The following NCAM1 variants were observed in gnomAD, a reference collection of about 807,000 sequenced individuals.
NCAM1 encodes the protein antigen recognized by monoclonal antibody 5.1H11.
Under a neutral mutation model 109.8 loss-of-function variants are expected in NCAM1, and 14 were observed. That is an observed-to-expected ratio of 0.13 (90% CI 0.08 to 0.20). The LOEUF is 0.20. Ranked by LOEUF, NCAM1 falls within the 10% of genes least tolerant of loss-of-function variation. The pLI is 1.00. For missense variants in NCAM1, 774 were observed against 1,109.9 expected, an observed-to-expected ratio of 0.70 and a Z score of 4.30; for synonymous variants, 418 against 442.9, an observed-to-expected ratio of 0.94 and a Z score of 0.70.
At chr11:113,195,644 A>G (rs1420082573) in intron 1 of NCAM1, among the ~76,000 whole-genome samples, 1 of 151,358 alleles carries the variant, frequency 6.6e-6, no homozygotes, top group Non-Finnish European at 1.5e-5. Context: ...CTGGGACCAC[A>G]GGCGCCCACC....
At chr11:113,168,817 G>A (rs1447726726) in intron 1 of NCAM1, among the ~76,000 whole-genome samples, 1 of 152,186 alleles carries the variant, frequency 6.6e-6, no homozygotes, top group African/African-American at 2.4e-5. Context: ...AATGGGAAAT[G>A]TTTAGCTTGT....
chr11:113,074,588 A>C (rs1447268312), intron 1 of NCAM1, among the ~76,000 whole-genome samples: 2 of 152,176 alleles, frequency 1.3e-5, no homozygotes, highest in Admixed American at 1.3e-4. Flanking sequence ...GAACACTTGA[A>C]ATGTGCTAGT....
intron 1 of NCAM1, among the ~76,000 whole-genome samples, chr11:112,983,572 G>A (rs893180345): frequency 2.0e-5 from 3 of 151,804 alleles, no homozygotes; most frequent in African/African-American, 4.8e-5. Context: ...GGCTCAGTAA[G>A]GACAGGTTGT....
chr11:113,235,952 A>G (rs1431154631), intron 14 of NCAM1, among the ~76,000 whole-genome samples: 1 of 152,168 alleles, frequency 6.6e-6, no homozygotes, highest in African/African-American at 2.4e-5. Context: ...CACCCAGCTA[A>G]AGAAGATACC....
chr11:113,157,554 T>A (rs1555103673), intron 1 of NCAM1, among the ~76,000 whole-genome samples: 1 of 152,192 alleles, frequency 6.6e-6, no homozygotes, highest in East Asian at 1.9e-4. Context: ...TAACTCTAAG[T>A]ATTTTTGGTT....
intron 9 of NCAM1, among the ~76,000 whole-genome samples, chr11:113,226,646 C>CAT (rs1565512781): frequency 6.6e-6 from 1 of 152,190 alleles, no homozygotes; most frequent in African/African-American, 2.4e-5. Context: ...AGCACCACAC[C>CAT]GCACTTGTTC....
chr11:113,213,412 G>A (rs1371222861), intron 7 of NCAM1, among the ~76,000 whole-genome samples: 6 of 152,144 alleles, frequency 3.9e-5, no homozygotes, highest in Non-Finnish European at 8.8e-5. Flanking sequence ...GCTTTGGAAT[G>A]CTTGTGTTTT....
Position 113,205,158 on chromosome 11 carries a change from T to C in NCAM1, c.347-365T>C, listed in dbSNP as rs189775632. Among the ~76,000 whole-genome samples the C allele has an allele frequency of 2.5e-3, 375 of 152,308 alleles. 10 individuals are homozygous for C. Among genetic ancestry groups the C allele is most frequent in the South Asian group, 0.022 (107 of 4,824 alleles). On this transcript the variant is annotated intron_variant, in intron 3 of 19. Coordinates refer to ENST00000316851, the MANE Select transcript of NCAM1 (RefSeq NM_181351.5). ...TGGGAGACAAGAAAAGGACTGATGA[T>C]TCTTACTATTCGTTGTGGAATGGAT...
At chr11:113,248,894 G>A (rs996944880) in intron 15 of NCAM1, among the ~76,000 whole-genome samples, 2 of 152,130 alleles carry the variant, frequency 1.3e-5, no homozygotes, top group Non-Finnish European at 2.9e-5. Flanking sequence ...AAGAAGTGAG[G>A]ATGCAAACTT....
chr11:112,998,036 C>G (rs1179602113), intron 1 of NCAM1, among the ~76,000 whole-genome samples: 1 of 152,126 alleles, frequency 6.6e-6, no homozygotes, highest in Non-Finnish European at 1.5e-5. Flanking sequence ...GAGGGCAGAG[C>G]TGGGGTTAGA....
chr11:112,977,630 G>A (rs1247579147), intron 1 of NCAM1, among the ~76,000 whole-genome samples: 10 of 151,842 alleles, frequency 6.6e-5, no homozygotes, highest in African/African-American at 2.2e-4. Context: ...ATTTAAATAT[G>A]ATACAAAAGG....
At chr11:113,162,280 G>A (rs143490402) in intron 1 of NCAM1, among the ~76,000 whole-genome samples, 1 of 152,052 alleles carries the variant, frequency 6.6e-6, no homozygotes, top group Non-Finnish European at 1.5e-5. Context: ...TTGGTTTCCA[G>A]TCATTAGAAG....
chr11:113,021,684 CA>C (rs1952389487), intron 1 of NCAM1, among the ~76,000 whole-genome samples: 1 of 152,162 alleles, frequency 6.6e-6, no homozygotes, highest in South Asian at 2.1e-4. Context: ...GCGATTTTCC[CA>C]TTGTCATGTC....
intron 14 of NCAM1, chr11:113,235,451 G>A: frequency 1.5e-6 from 1 of 680,218 alleles, no homozygotes; most frequent in Non-Finnish European, 2.7e-6. Flanking sequence ...ATTAAAGGAA[G>A]TGGGGAGAAA....
chr11:113,000,799 C>A (rs1951726751), intron 1 of NCAM1, among the ~76,000 whole-genome samples: 1 of 126,060 alleles, frequency 7.9e-6, no homozygotes, highest in Non-Finnish European at 1.6e-5. Context: ...TTGGAGGCAA[C>A]CTATAGAATT....
intron 1 of NCAM1, among the ~76,000 whole-genome samples, chr11:113,180,509 C>G (rs1943297809): frequency 6.6e-6 from 1 of 152,222 alleles, no homozygotes; most frequent in Non-Finnish European, 1.5e-5. Flanking sequence ...CTGGAATGAT[C>G]CTTCATAAAG....
At chr11:113,159,135 A>G (rs1555103919) in intron 1 of NCAM1, among the ~76,000 whole-genome samples, 2 of 152,218 alleles carry the variant, frequency 1.3e-5, no homozygotes, top group African/African-American at 4.8e-5. Context: ...AGATTTCCAC[A>G]AGATTAATCA....
chr11:113,209,090 C>A (rs954512606), intron 7 of NCAM1, among the ~76,000 whole-genome samples: 1 of 152,224 alleles, frequency 6.6e-6, no homozygotes, highest in Non-Finnish European at 1.5e-5. Flanking sequence ...CAAGTCTCTC[C>A]GCGTGTCTGT....
intron 1 of NCAM1, among the ~76,000 whole-genome samples, chr11:113,147,693 G>T (rs1359728415): frequency 3.9e-5 from 6 of 152,216 alleles, no homozygotes; most frequent in Admixed American, 1.3e-4. Flanking sequence ...AACACAGCCA[G>T]ATAGGACATA....
Sources: gnomAD v4.1 joint callset for allele counts (sites outside exome capture counted in the v4.1 genomes callset) on GRCh38, gnomAD v4.1.1 for gene constraint, MANE v1.5 for transcripts, NCBI Gene and HGNC (gene_info 2026-07-23, HGNC 2026-07-21) for gene names.